The following QRICH1 variants were observed in gnomAD, a reference collection of about 807,000 sequenced individuals.
The protein encoded by QRICH1 is transcriptional regulator QRICH1.
A neutral mutation model predicts 87.1 loss-of-function variants in QRICH1; 16 were observed. The ratio of observed to expected loss-of-function variants is 0.18; its 90% CI spans 0.12 to 0.28. The LOEUF is 0.28. Among genes scored for constraint, QRICH1 ranks in the 10% least tolerant of loss-of-function variants. QRICH1 has a pLI of 1.00. For missense variants in QRICH1, 647 were observed against 951.7 expected (o/e 0.68, Z 4.21); for synonymous variants, 367 against 368.4 (o/e 1.00, Z 0.05).
intron 2 of QRICH1, among the ~76,000 whole-genome samples, chr3:49,060,174 C>G (rs1479003676): frequency 6.6e-6 from 1 of 150,596 alleles, no homozygotes; most frequent in Non-Finnish European, 1.5e-5. Flanking sequence ...TGAGCCACCA[C>G]GCCCAGACCT....
At position 49,030,553 on chromosome 3, in the gene QRICH1, G is replaced by A; in HGVS notation, c.2230C>T (p.Pro744Ser). ...TGTCCCATCTGCTCTCTGCTGATAG[G>A]CTGGACTGAGTACCAGATTGGGCTG... ...PNSPIWYSVQ[P>S]ISREQMGQML... Residue 744 changes from proline to serine, a missense_variant, in exon 10 of 10, where the codon CCT (proline) becomes TCT (serine). By Grantham distance (74) the Pro-to-Ser change is moderately conservative. This residue lies in a region of QRICH1 where 56 missense variants were observed against 79.4 expected (regional missense o/e 0.71). Transcript: ENST00000395443. 1 of 1,614,034 alleles carries A rather than the reference G, an allele frequency of 6.2e-7. No individual in the cohort carries two copies. The highest frequency in any genetic ancestry group is 8.5e-7 in the Non-Finnish European group (1 of 1,179,962).
At chr3:49,035,423 T>A (rs1422527301) in intron 6 of QRICH1, among the ~76,000 whole-genome samples, 1 of 152,136 alleles carries the variant, frequency 6.6e-6, no homozygotes, top group Non-Finnish European at 1.5e-5. Flanking sequence ...ATTGCCATAC[T>A]TTGGCATGTT....
At chr3:49,046,056 T>C (rs1328097404) in intron 5 of QRICH1, among the ~76,000 whole-genome samples, 7 of 151,924 alleles carry the variant, frequency 4.6e-5, no homozygotes, top group East Asian at 1.9e-4. Context: ...GCAGGGATTA[T>C]AGGCAGTGCA....
At chr3:49,073,896 A>T (rs2041897573) in intron 2 of QRICH1, among the ~76,000 whole-genome samples, 1 of 151,264 alleles carries the variant, frequency 6.6e-6, no homozygotes, top group Non-Finnish European at 1.5e-5. Context: ...CAATCCTCCC[A>T]CCTCAGCTTC....
chr3:49,056,711 G>A (rs1237232126), intron 3 of QRICH1, 151 bp downstream of exon 3: 6 of 1,320,592 alleles, frequency 4.5e-6, no homozygotes, highest in Non-Finnish European at 6.3e-6. Flanking sequence ...AGCCTCACGT[G>A]ATGTTTCTCC....
intron 1 of QRICH1, chr3:49,093,275 T>G (rs1354917732): frequency 6.6e-6 from 1 of 152,096 alleles, no homozygotes; most frequent in East Asian, 1.9e-4. Flanking sequence ...AGTAACGGCA[T>G]TCTTCGAGGA....
At chr3:49,078,871 T>G (rs1379065505) in intron 1 of QRICH1, among the ~76,000 whole-genome samples, 3 of 151,894 alleles carry the variant, frequency 2.0e-5, no homozygotes, top group Admixed American at 1.3e-4. Context: ...TATGTATTTT[T>G]AGTAGAGACT....
chr3:49,062,810 A>G (rs1043356943), intron 2 of QRICH1, among the ~76,000 whole-genome samples: 1 of 151,796 alleles, frequency 6.6e-6, no homozygotes, highest in Non-Finnish European at 1.5e-5. Flanking sequence ...GATCAAGACC[A>G]TCCTGGCTAA....
intron 2 of QRICH1, among the ~76,000 whole-genome samples, chr3:49,074,874 G>A (rs1004992815): frequency 2.6e-5 from 4 of 151,748 alleles, no homozygotes; most frequent in East Asian, 2.0e-4. Flanking sequence ...AGCTACCTGG[G>A]AGGCTGAGGC....
chr3:49,074,985 A>C (rs1006656190), intron 2 of QRICH1, among the ~76,000 whole-genome samples: 5 of 152,080 alleles, frequency 3.3e-5, no homozygotes, highest in Admixed American at 6.6e-5. Context: ...TCTTAAATAA[A>C]AAAGACCAAA....
intron 9 of QRICH1, 113 bp from the exon 10 acceptor site, chr3:49,030,757 C>T: frequency 2.2e-6 from 2 of 926,224 alleles, no homozygotes; most frequent in South Asian, 1.8e-5. Context: ...GTTATTGTGG[C>T]ACAGCTACTG....
Position 49,076,916 on chromosome 3 carries a change from C to A in QRICH1, c.102G>T (p.Leu34=). The part of the protein sequence containing the change: ...QHRMKEFLDS[L]ASKGPEALQE... ...GAAGGGCTTCTGGCCCCTTAGAGGC[C>A]AGTGAGTCCAGAAATTCCTTCATCC... Residue 34 remains leucine (L), a synonymous_variant, in exon 2 of 10, where the codon CTG becomes CTT. Transcript: ENST00000395443. 1 of 1,613,290 alleles carries A rather than the reference C, an allele frequency of 6.2e-7. No individual in the cohort carries two copies. The highest frequency in any genetic ancestry group is 8.5e-7 in the Non-Finnish European group (1 of 1,179,526).
chr3:49,051,583 C>G, intron 3 of QRICH1, among the ~76,000 whole-genome samples: 1 of 28,278 alleles, frequency 3.5e-5, no homozygotes, highest in Non-Finnish European at 5.9e-5. Context: ...ACCCCCCCTG[C>G]GCCCCCCCCC....
intron 3 of QRICH1, among the ~76,000 whole-genome samples, chr3:49,056,436 C>T (rs1319149529): frequency 2.6e-5 from 4 of 152,308 alleles, no homozygotes; most frequent in African/African-American, 7.2e-5. Context: ...AACAATCTCA[C>T]AGCCTCTCCA....
intron 6 of QRICH1, among the ~76,000 whole-genome samples, chr3:49,034,501 T>TA (rs954097224): frequency 6.7e-6 from 1 of 150,348 alleles, no homozygotes; most frequent in Non-Finnish European, 1.5e-5. Flanking sequence ...CAAGCTAGAG[T>TA]ACAGTGACAC....
rs1293309072 is a variant in QRICH1 at position 49,057,903 on chromosome 3, A to G, written c.310-13T>C. On this transcript the variant is annotated splice_polypyrimidine_tract_variant and intron_variant, in intron 2 of 9. Coordinates refer to ENST00000395443, the MANE Select transcript of QRICH1 (RefSeq NM_198880.3). This position sits in a 1 kb window ranked among gnomAD's most constrained non-coding sequence, Gnocchi z 5.4. ...CCTGCACCTGGACCTGTAAGCAACA[A>G]GATTCATCAGTGAGTGAACCAGGCA... The G allele has an allele frequency of 1.2e-6, 2 of 1,613,990 alleles. No homozygotes were observed. Among genetic ancestry groups the G allele is most frequent in the African/African-American group, 2.7e-5 (2 of 74,918 alleles).
intron 1 of QRICH1, among the ~76,000 whole-genome samples, chr3:49,090,120 C>A (rs1480276638): frequency 2.6e-5 from 4 of 152,164 alleles, no homozygotes; most frequent in Non-Finnish European, 5.9e-5. Context: ...CAAGACCAGC[C>A]TGACCAACAT....
chr3:49,072,833 G>A (rs948652743), intron 2 of QRICH1, among the ~76,000 whole-genome samples: 3 of 152,040 alleles, frequency 2.0e-5, no homozygotes, highest in African/African-American at 7.2e-5. Context: ...CTGGAGGCCA[G>A]GAGTTCAACA....
chr3:49,076,673 C>T (rs190424628), intron 2 of QRICH1, 36 bp downstream of exon 2: 1 of 1,460,442 alleles, frequency 6.8e-7, no homozygotes, highest in Non-Finnish European at 9.1e-7. Flanking sequence ...AAATAAAGTA[C>T]ATTAAACAGG....
Sources: allele counts gnomAD v4.1 joint callset (sites outside exome capture counted in the v4.1 genomes callset), GRCh38; gene constraint gnomAD v4.1.1; regional missense constraint gnomAD v4.1.1; non-coding constraint Gnocchi (gnomAD v3.1); transcripts MANE v1.5; gene names NCBI Gene and HGNC (gene_info 2026-07-23, HGNC 2026-07-21).